LSAMP: variants seen among roughly 807,000 people sequenced by gnomAD.
LSAMP encodes limbic system associated membrane protein, also known as limbic system-associated membrane protein.
LSAMP carries 7 observed loss-of-function variants against 38.6 expected under a neutral mutation model. The ratio of observed to expected loss-of-function variants is 0.18; its 90% CI spans 0.10 to 0.34. LSAMP has a LOEUF of 0.34. Among genes scored for constraint, LSAMP ranks in the 10% least tolerant of loss-of-function variants. The pLI is 1.00. For missense variants in LSAMP, 313 were observed against 420.0 expected (o/e 0.75, Z 2.23); for synonymous variants, 154 against 166.8 (o/e 0.92, Z 0.59).
At chr3:116,005,236 C>A (rs1298984817) in intron 3 of LSAMP, among the ~76,000 whole-genome samples, 1 of 152,154 alleles carries the variant, frequency 6.6e-6, no homozygotes, top group Non-Finnish European at 1.5e-5. Context: ...AGAATCTCTT[C>A]AAACCCAGAA....
intron 1 of LSAMP, among the ~76,000 whole-genome samples, chr3:116,154,423 A>G (rs1376937092): frequency 6.6e-6 from 1 of 152,158 alleles, no homozygotes; most frequent in African/African-American, 2.4e-5. Flanking sequence ...AGCTCTGAAA[A>G]TCCATTCTCC....
At chr3:116,431,279 C>T (rs1357232984) in intron 1 of LSAMP, among the ~76,000 whole-genome samples, 1 of 152,008 alleles carries the variant, frequency 6.6e-6, no homozygotes, top group Non-Finnish European at 1.5e-5. Context: ...TGTTGAAGTA[C>T]AGATACTCAA....
intron 1 of LSAMP, among the ~76,000 whole-genome samples, chr3:116,349,085 T>G (rs2048102840): frequency 6.6e-6 from 1 of 152,078 alleles, no homozygotes; most frequent in Non-Finnish European, 1.5e-5. Flanking sequence ...AATATCTATA[T>G]CTAATGAATA....
intron 1 of LSAMP, among the ~76,000 whole-genome samples, chr3:116,092,572 T>C (rs1206532702): frequency 6.6e-6 from 1 of 152,186 alleles, no homozygotes; most frequent in African/African-American, 2.4e-5. Flanking sequence ...ATCTTCCCTG[T>C]TTAGTATATT....
At chr3:116,380,155 AG>A (rs1374290968) in intron 1 of LSAMP, among the ~76,000 whole-genome samples, 3 of 151,834 alleles carry the variant, frequency 2.0e-5, no homozygotes, top group Admixed American at 1.3e-4. Context: ...TTGGTAAAAA[AG>A]GATTATCAAT....
chr3:116,115,380 C>A (rs1045156242), intron 1 of LSAMP, among the ~76,000 whole-genome samples: 1 of 152,160 alleles, frequency 6.6e-6, no homozygotes, highest in African/African-American at 2.4e-5. Flanking sequence ...AGTGAGTCAC[C>A]GGTCAATTAT....
At chr3:116,391,318 C>A (rs2048693198) in intron 1 of LSAMP, among the ~76,000 whole-genome samples, 1 of 151,898 alleles carries the variant, frequency 6.6e-6, no homozygotes, top group Non-Finnish European at 1.5e-5. Context: ...CCCATGTCCC[C>A]GAGGCCGCTG....
chr3:116,434,103 T>C (rs1456766844), intron 1 of LSAMP, among the ~76,000 whole-genome samples: 2 of 152,196 alleles, frequency 1.3e-5, no homozygotes, highest in Non-Finnish European at 2.9e-5. Context: ...CTATCTCTGA[T>C]TTTATGACTA....
At chr3:116,391,236 C>T (rs918103430) in intron 1 of LSAMP, among the ~76,000 whole-genome samples, 2 of 151,384 alleles carry the variant, frequency 1.3e-5, no homozygotes, top group Non-Finnish European at 2.9e-5. Flanking sequence ...ATCGCGCTGG[C>T]AGTAGCGGCA....
chr3:116,335,555 C>G (rs2047908898), intron 1 of LSAMP, among the ~76,000 whole-genome samples: 2 of 151,954 alleles, frequency 1.3e-5, no homozygotes, highest in Non-Finnish European at 2.9e-5. Flanking sequence ...CAGAAAGAAA[C>G]TTTTGCATAT....
chr3:116,251,332 T>G (rs1228141955), intron 1 of LSAMP, among the ~76,000 whole-genome samples: 1 of 152,214 alleles, frequency 6.6e-6, no homozygotes, highest in Non-Finnish European at 1.5e-5. Flanking sequence ...TGTTGATTTT[T>G]TTTGAGGAGG....
chr3:116,408,120 G>GAT (rs1435756573), intron 1 of LSAMP, among the ~76,000 whole-genome samples: 1 of 151,984 alleles, frequency 6.6e-6, no homozygotes, highest in Non-Finnish European at 1.5e-5. Context: ...TGTAAAGAAA[G>GAT]ATGCATCAAA....
intron 1 of LSAMP, among the ~76,000 whole-genome samples, chr3:116,430,078 A>T (rs150322306): frequency 7.9e-4 from 121 of 152,318 alleles, no homozygotes; most frequent in African/African-American, 2.3e-3. Context: ...GATTAATCTT[A>T]TGCATGTGTA....
chr3:115,905,605 C>G (rs1460066211), intron 3 of LSAMP, among the ~76,000 whole-genome samples: 3 of 151,938 alleles, frequency 2.0e-5, no homozygotes, highest in African/African-American at 7.3e-5. Flanking sequence ...GAGTCAGTAA[C>G]ACAAAACCAA....
At chr3:116,372,880 A>T (rs1268768329) in intron 1 of LSAMP, among the ~76,000 whole-genome samples, 1 of 149,194 alleles carries the variant, frequency 6.7e-6, no homozygotes. Flanking sequence ...AAAAAAAAAC[A>T]GAATATAACA....
rs540946454 is a variant in LSAMP at position 116,242,404 on chromosome 3, C to T, written c.156-155848G>A. ...GGTGGGGGAAGGAAACGGCTGGTCA[C>T]GAACTGAAATTTAAAAGCTTTCTGG... On this transcript the variant is annotated intron_variant, in intron 1 of 6. Transcript: ENST00000490035. Among the ~76,000 whole-genome samples, 8 of 152,248 alleles carry T rather than the reference C, an allele frequency of 5.3e-5. No individual in the cohort carries two copies. In the South Asian group the frequency reaches 8.3e-4, roughly 16 times the overall value.
At chr3:116,097,942 T>C (rs371524494) in intron 1 of LSAMP, among the ~76,000 whole-genome samples, 4 of 151,896 alleles carry the variant, frequency 2.6e-5, no homozygotes, top group East Asian at 3.9e-4. Context: ...ACTATGTTGG[T>C]CAGGCTGGTC....
intron 1 of LSAMP, among the ~76,000 whole-genome samples, chr3:116,437,041 GTA>G (rs139542369): frequency 1.2e-4 from 17 of 144,152 alleles, no homozygotes; most frequent in South Asian, 8.6e-4. Flanking sequence ...ATATATATGT[GTA>G]TATATATATA....
chr3:116,283,096 A>G (rs2047148043), intron 1 of LSAMP, among the ~76,000 whole-genome samples: 1 of 152,116 alleles, frequency 6.6e-6, no homozygotes, highest in South Asian at 2.1e-4. Flanking sequence ...ACAGTAAGTA[A>G]GGTAAAACGT....
Sources: allele counts gnomAD v4.1 joint callset (sites outside exome capture counted in the v4.1 genomes callset), GRCh38; gene constraint gnomAD v4.1.1; transcripts MANE v1.5; gene names NCBI Gene and HGNC (gene_info 2026-07-23, HGNC 2026-07-21).